CTNND2: variants seen among roughly 807,000 people sequenced by gnomAD.
CTNND2 encodes catenin delta 2.
CTNND2 carries 22 observed loss-of-function variants against 144.4 expected under a neutral mutation model. The ratio of observed to expected loss-of-function variants is 0.15; its 90% CI spans 0.11 to 0.22. The LOEUF is 0.22. Among genes scored for constraint, CTNND2 ranks in the 10% least tolerant of loss-of-function variants. The pLI is 1.00. For synonymous variants in CTNND2, 751 were observed against 695.6 expected, an observed-to-expected ratio of 1.08 and a Z score of -1.25; for missense variants, 1,353 against 1,618.8, an observed-to-expected ratio of 0.84 and a Z score of 2.82.
At chr5:11,102,404 A>T (rs959132582) in intron 14 of CTNND2, among the ~76,000 whole-genome samples, 5 of 152,216 alleles carry the variant, frequency 3.3e-5, no homozygotes, top group Admixed American at 1.3e-4. Flanking sequence ...TAAGGTGGCT[A>T]TAACCAGAGT....
intron 9 of CTNND2, among the ~76,000 whole-genome samples, chr5:11,342,343 G>A (rs1561247824): frequency 3.3e-5 from 5 of 152,086 alleles, no homozygotes; most frequent in South Asian, 2.1e-4. Flanking sequence ...CAAATTTTGC[G>A]GTTTGAAACG....
At chr5:11,506,935 TG>T (rs1481581705) in intron 3 of CTNND2, among the ~76,000 whole-genome samples, 7 of 152,358 alleles carry the variant, frequency 4.6e-5, no homozygotes, top group Admixed American at 3.3e-4. Context: ...AATCAATTTC[TG>T]AATTGTTTTC....
chr5:11,607,195 C>T (rs1218770333), intron 2 of CTNND2, among the ~76,000 whole-genome samples: 1 of 152,188 alleles, frequency 6.6e-6, no homozygotes, highest in Non-Finnish European at 1.5e-5. Context: ...CTGATGGCAC[C>T]TTGATCTTGG....
At chr5:11,491,306 AT>A (rs1259759596) in intron 3 of CTNND2, among the ~76,000 whole-genome samples, 1 of 152,156 alleles carries the variant, frequency 6.6e-6, no homozygotes, top group Non-Finnish European at 1.5e-5. Flanking sequence ...GGGATGGCCC[AT>A]TTATTTTAAG....
At chr5:11,847,226 T>G (rs1391437311) in intron 1 of CTNND2, among the ~76,000 whole-genome samples, 1 of 144,246 alleles carries the variant, frequency 6.9e-6, no homozygotes, top group Non-Finnish European at 1.5e-5. Context: ...GATATAGAAA[T>G]CGATCTAAAA....
rs560607141 is a variant in CTNND2, at chr5:11,731,587, G to T, written c.174+549C>A. On this transcript the variant is annotated intron_variant, in intron 2 of 21. Transcript: ENST00000304623. ...AGTGACGTTTTAAATCTAAGGTTCAGATTTTATTTACTTATGCATTTTTTG... is the reference window on the plus strand; with the variant it reads ...AGTGACGTTTTAAATCTAAGGTTCATATTTTATTTACTTATGCATTTTTTG... 2.0e-5 allele frequency among the ~76,000 whole-genome samples: 3 copies of T among 152,232 alleles called. No individual in the cohort carries two copies. In the East Asian group the frequency reaches 5.8e-4, roughly 29 times the overall value.
intron 2 of CTNND2, among the ~76,000 whole-genome samples, chr5:11,633,745 C>A (rs930897122): frequency 6.8e-6 from 1 of 147,790 alleles, no homozygotes; most frequent in East Asian, 1.9e-4. Context: ...CAATGTACTC[C>A]AGTCTGGGTG....
intron 2 of CTNND2, among the ~76,000 whole-genome samples, chr5:11,680,377 A>C (rs1784374366): frequency 6.6e-6 from 1 of 152,092 alleles, no homozygotes; most frequent in African/African-American, 2.4e-5. Flanking sequence ...TGGTTGTCAT[A>C]TTGCCACAAC....
chr5:11,480,683 T>C (rs193150638), intron 3 of CTNND2, among the ~76,000 whole-genome samples: 2 of 151,106 alleles, frequency 1.3e-5, no homozygotes, highest in East Asian at 1.9e-4. Flanking sequence ...TGTAAGTGCA[T>C]ATAATTAGAG....
At chr5:11,879,764 A>T (rs1034151498) in intron 1 of CTNND2, among the ~76,000 whole-genome samples, 3 of 152,170 alleles carry the variant, frequency 2.0e-5, no homozygotes, top group African/African-American at 7.2e-5. Flanking sequence ...AAAGTACACA[A>T]ATTCTCAAAA....
chr5:11,159,597 C>T lies in CTNND2; in HGVS notation c.2138G>A (p.Arg713His), dbSNP rs1329443102. 4 of 1,611,942 alleles carry T rather than the reference C, an allele frequency of 2.5e-6. No homozygotes were observed. Among genetic ancestry groups the T allele is most frequent in the Non-Finnish European group, 2.5e-6 (3 of 1,179,024 alleles). ...TGACCTTAGGCACCCGGTGGCGTTA[C>T]GCAGCACCTGTGATGAATGCAGCTG... is the stretch of plus-strand genomic sequence containing the variant. The part of the protein sequence containing the change: ...KIQLHSSQVL[R>H]NATGCLRNVS... Residue 713 changes from arginine (R) to histidine (H), a missense_variant, in exon 12 of 22, where the codon CGT (arginine) becomes CAT (histidine). Physicochemically the swap from Arg to His is conservative, Grantham distance 29. Transcript: ENST00000304623.
At chr5:11,789,836 T>G (rs1012943061) in intron 1 of CTNND2, among the ~76,000 whole-genome samples, 3 of 152,216 alleles carry the variant, frequency 2.0e-5, no homozygotes, top group Non-Finnish European at 2.9e-5. Flanking sequence ...AATATAATAT[T>G]CTGATTGGTA....
chr5:11,160,757 C>A (rs1171888803), intron 11 of CTNND2, among the ~76,000 whole-genome samples: 2 of 152,096 alleles, frequency 1.3e-5, no homozygotes, highest in African/African-American at 4.8e-5. Context: ...TTTTAATGAG[C>A]TTTCGATATA....
At chr5:11,325,534 T>C (rs1405228428) in intron 9 of CTNND2, among the ~76,000 whole-genome samples, 2 of 152,206 alleles carry the variant, frequency 1.3e-5, no homozygotes, top group Non-Finnish European at 2.9e-5. Flanking sequence ...AATTAATTTA[T>C]GTATCCATGA....
chr5:11,727,721 A>G (rs962066367), intron 2 of CTNND2, among the ~76,000 whole-genome samples: 1 of 152,154 alleles, frequency 6.6e-6, no homozygotes, highest in Non-Finnish European at 1.5e-5. Context: ...GACCTTTCCT[A>G]AGGTGTTATA....
chr5:11,768,078 A>G (rs1264566578), intron 1 of CTNND2, among the ~76,000 whole-genome samples: 1 of 152,008 alleles, frequency 6.6e-6, no homozygotes, highest in African/African-American at 2.4e-5. Flanking sequence ...TTTTTTTTCT[A>G]ATTACAGCAT....
intron 2 of CTNND2, among the ~76,000 whole-genome samples, chr5:11,700,321 C>CA (rs1314736261): frequency 6.6e-6 from 1 of 152,104 alleles, no homozygotes; most frequent in African/African-American, 2.4e-5. Flanking sequence ...ACCCAGGAGG[C>CA]AGAGGGTGCA....
chr5:11,413,840 G>A (rs750887324), intron 3 of CTNND2, among the ~76,000 whole-genome samples: 2 of 152,080 alleles, frequency 1.3e-5, no homozygotes, highest in Non-Finnish European at 2.9e-5. Flanking sequence ...AATATTTTAA[G>A]TGTTTACATG....
At chr5:11,453,873 A>G (rs61760260) in intron 3 of CTNND2, among the ~76,000 whole-genome samples, 22 of 152,196 alleles carry the variant, frequency 1.4e-4, no homozygotes, top group Admixed American at 4.6e-4. Context: ...AAAATCATTT[A>G]TTACACGATA....
Sources: gnomAD v4.1 joint callset for allele counts (sites outside exome capture counted in the v4.1 genomes callset) on GRCh38, gnomAD v4.1.1 for gene constraint, MANE v1.5 for transcripts, NCBI Gene and HGNC (gene_info 2026-07-23, HGNC 2026-07-21) for gene names.